Variants in PEAK1 observed in about 807,000 individuals in gnomAD.
The protein encoded by PEAK1 is pseudopodium enriched atypical kinase 1.
In PEAK1, 54 loss-of-function variants were observed where a neutral mutation model predicts 124.7. The observed-to-expected ratio is 0.43, with a 90% CI of 0.35 to 0.54. PEAK1 has a LOEUF of 0.54. Among genes scored for constraint, PEAK1 ranks in the 20% least tolerant of loss-of-function variants. The pLI is 0.01. For synonymous variants in PEAK1, 719 were observed against 760.0 expected (o/e 0.95, Z 0.89); for missense variants, 2,046 against 2,134.5 (o/e 0.96, Z 0.82).
At chr15:77,211,524 G>A (rs2058903266) in intron 6 of PEAK1, among the ~76,000 whole-genome samples, 1 of 152,018 alleles carries the variant, frequency 6.6e-6, no homozygotes, top group Admixed American at 6.5e-5. Context: ...ATAAAATAAT[G>A]ACTTATGACT....
chr15:77,254,300 G>T (rs2061022451), intron 5 of PEAK1, among the ~76,000 whole-genome samples: 1 of 151,788 alleles, frequency 6.6e-6, no homozygotes, highest in East Asian at 1.9e-4. Flanking sequence ...TTCCTCTTGG[G>T]GATTCCAATA....
Position 77,341,885 on chromosome 15 carries a change from G to A in PEAK1, c.-603+23278C>T, listed in dbSNP as rs1394289223. On this transcript the variant is annotated intron_variant, in intron 2 of 9. Transcript: ENST00000682557. ...GGGAAACTGTGTATGGGGATGGGGAGCTCTGTACTGTCTGAAGTGTTTGTA... is the reference window on the plus strand; with the variant it reads ...GGGAAACTGTGTATGGGGATGGGGAACTCTGTACTGTCTGAAGTGTTTGTA... Among the ~76,000 whole-genome samples the A allele has an allele frequency of 3.3e-5, 5 of 152,242 alleles. No homozygotes were observed. In the East Asian group the frequency reaches 9.6e-4, roughly 29 times the overall value.
At chr15:77,282,354 G>A (rs1265147436) in intron 5 of PEAK1, among the ~76,000 whole-genome samples, 3 of 151,988 alleles carry the variant, frequency 2.0e-5, no homozygotes, top group African/African-American at 7.3e-5. Flanking sequence ...TCAATGGCTA[G>A]GAAAAACACT....
At chr15:77,256,995 C>A (rs1024562207) in intron 5 of PEAK1, among the ~76,000 whole-genome samples, 1 of 150,612 alleles carries the variant, frequency 6.6e-6, no homozygotes, top group South Asian at 2.1e-4. Context: ...TTTGTCCTTG[C>A]GATAGTATAC....
chr15:77,163,752 G>C (rs2152796080), intron 7 of PEAK1, among the ~76,000 whole-genome samples: 1 of 152,220 alleles, frequency 6.6e-6, no homozygotes, highest in African/African-American at 2.4e-5. Context: ...GAGACTACCT[G>C]CCTCTTGGGA....
At chr15:77,212,592 T>C (rs964940575) in intron 6 of PEAK1, among the ~76,000 whole-genome samples, 4 of 152,178 alleles carry the variant, frequency 2.6e-5, no homozygotes, top group East Asian at 1.9e-4. Context: ...ATAACAGAAT[T>C]TGATAAAGTT....
chr15:77,266,115 G>C (rs991967221), intron 5 of PEAK1, among the ~76,000 whole-genome samples: 6 of 152,180 alleles, frequency 3.9e-5, no homozygotes, highest in African/African-American at 4.8e-5. Context: ...GGTGGGGAGA[G>C]GGGGGAGGGA....
At chr15:77,324,081 A>C (rs904529153) in intron 2 of PEAK1, among the ~76,000 whole-genome samples, 1 of 152,262 alleles carries the variant, frequency 6.6e-6, no homozygotes, top group African/African-American at 2.4e-5. Flanking sequence ...ACAGACAATG[A>C]GATCCTCAGG....
At chr15:77,287,362 G>A (rs565615085) in intron 2 of PEAK1, among the ~76,000 whole-genome samples, 4 of 152,242 alleles carry the variant, frequency 2.6e-5, no homozygotes, top group South Asian at 2.1e-4. Flanking sequence ...ATATAAAAAC[G>A]CAATTTCCAA....
chr15:77,418,673 T>C, intron 1 of PEAK1: 2 of 985,468 alleles, frequency 2.0e-6, no homozygotes, highest in South Asian at 4.7e-5. Flanking sequence ...AGAAATGCTC[T>C]GAGATTACGA....
At chr15:77,383,208 T>C (rs2069634185) in intron 1 of PEAK1, among the ~76,000 whole-genome samples, 1 of 152,008 alleles carries the variant, frequency 6.6e-6, no homozygotes, top group Non-Finnish European at 1.5e-5. Context: ...GTATTTTTAG[T>C]AGAGATGGGG....
At chr15:77,160,031 T>C (rs1297620540) in intron 7 of PEAK1, among the ~76,000 whole-genome samples, 3 of 152,192 alleles carry the variant, frequency 2.0e-5, no homozygotes, top group East Asian at 3.9e-4. Context: ...GGAATCACTT[T>C]TCTAGCAGTC....
chr15:77,168,224 T>C (rs1474727957), intron 7 of PEAK1, among the ~76,000 whole-genome samples: 1 of 124,090 alleles, frequency 8.1e-6, no homozygotes, highest in East Asian at 2.4e-4. Flanking sequence ...CATGCACATA[T>C]GCATGTGCGC....
At chr15:77,145,266 T>C (rs1255691099) in intron 8 of PEAK1, among the ~76,000 whole-genome samples, 3 of 152,056 alleles carry the variant, frequency 2.0e-5, no homozygotes, top group African/African-American at 7.2e-5. Context: ...CTGGGCAACA[T>C]GGTGAAACCC....
At chr15:77,187,057 G>C (rs958134428) in intron 6 of PEAK1, among the ~76,000 whole-genome samples, 22 of 152,192 alleles carry the variant, frequency 1.4e-4, no homozygotes, top group Admixed American at 1.2e-3. Context: ...TTATTTGCCA[G>C]AACAGGTCTG....
At chr15:77,243,190 G>C (rs940192269) in intron 6 of PEAK1, among the ~76,000 whole-genome samples, 1 of 152,156 alleles carries the variant, frequency 6.6e-6, no homozygotes, top group African/African-American at 2.4e-5. Flanking sequence ...TGTATTGCTA[G>C]ATTCTTGCAA....
chr15:77,381,835 G>A (rs2069508307), intron 1 of PEAK1, among the ~76,000 whole-genome samples: 1 of 152,124 alleles, frequency 6.6e-6, no homozygotes, highest in Non-Finnish European at 1.5e-5. Flanking sequence ...GATAAAAAGG[G>A]ATAGGGCAAA....
rs568274859 is a variant in PEAK1 at position 77,140,169 on chromosome 15, G to A, written c.3332-6419C>T. Among the ~76,000 whole-genome samples the A allele has an allele frequency of 4.6e-5, 7 of 152,256 alleles. No homozygotes were observed. In the South Asian group the frequency reaches 1.5e-3, roughly 32 times the overall value. Reference sequence around the variant, plus strand: ...TGATGAATTCTACCAAATGTTTAAAGAAGTATTAATACCAATCCTTTGAAA... The same window carrying A: ...TGATGAATTCTACCAAATGTTTAAAAAAGTATTAATACCAATCCTTTGAAA... On this transcript the variant is annotated intron_variant, in intron 8 of 9. Coordinates refer to ENST00000682557, the MANE Select transcript of PEAK1 (RefSeq NM_001385026.1).
chr15:77,377,888 GT>G (rs2141771752), intron 1 of PEAK1, among the ~76,000 whole-genome samples: 1 of 152,220 alleles, frequency 6.6e-6, no homozygotes, highest in Non-Finnish European at 1.5e-5. Flanking sequence ...CTCATCTACT[GT>G]ATCACCTGCT....
Sources: allele counts gnomAD v4.1 joint callset (sites outside exome capture counted in the v4.1 genomes callset), GRCh38; gene constraint gnomAD v4.1.1; transcripts MANE v1.5; gene names NCBI Gene and HGNC (gene_info 2026-07-23, HGNC 2026-07-21).